Variants in KCND2 observed in about 807,000 individuals in gnomAD.
KCND2 encodes the protein potassium voltage-gated channel subfamily D member 2.
A neutral mutation model predicts 54.4 loss-of-function variants in KCND2; 16 were observed. The observed-to-expected ratio is 0.29, with a 90% CI of 0.20 to 0.45. The LOEUF (loss-of-function observed/expected upper bound fraction) is 0.45. Ranked by LOEUF, KCND2 falls within the 20% of genes least tolerant of loss-of-function variation. KCND2 has a pLI of 1.00. For synonymous variants in KCND2, 317 were observed against 310.7 expected (o/e 1.02, Z -0.21); for missense variants, 486 against 824.2 (o/e 0.59, Z 5.02).
chr7:120,327,451 C>T (rs77657750), intron 1 of KCND2, among the ~76,000 whole-genome samples: 4,276 of 152,116 alleles, frequency 0.028, 97 homozygotes, highest in Non-Finnish European at 0.047. Flanking sequence ...CTCCTTCCTA[C>T]CTATATGAAG....
Position 120,637,542 on chromosome 7 carries a change from A to G in KCND2, c.1116-95361A>G, listed in dbSNP as rs191871142. 2.0e-3 allele frequency among the ~76,000 whole-genome samples: 300 copies of G among 152,238 alleles called. 5 individuals are homozygous for G. Among genetic ancestry groups the G allele is most frequent in the South Asian group, 0.011 (54 of 4,828 alleles). On this transcript the variant is annotated intron_variant, in intron 1 of 5. Coordinates refer to ENST00000331113, the MANE Select transcript of KCND2 (RefSeq NM_012281.3). The stretch of plus-strand genomic sequence containing the variant: ...GTGTAATTCTTTCATTGACACCAAC[A>G]ATACTATACAAACCAAAAAGATTTC...
intron 1 of KCND2, among the ~76,000 whole-genome samples, chr7:120,629,444 CCACTG>C (rs1451357014): frequency 6.6e-6 from 1 of 151,786 alleles, no homozygotes; most frequent in African/African-American, 2.4e-5. Flanking sequence ...CGAGATGGTG[CCACTG>C]CACTCCATCC....
At chr7:120,505,229 TAAC>T (rs1208003863) in intron 1 of KCND2, among the ~76,000 whole-genome samples, 3 of 151,696 alleles carry the variant, frequency 2.0e-5, no homozygotes, top group Non-Finnish European at 3.0e-5. Flanking sequence ...TGGCCAAAGA[TAAC>T]AACATTCTGT....
chr7:120,447,879 A>G (rs1802039731), intron 1 of KCND2, among the ~76,000 whole-genome samples: 1 of 151,840 alleles, frequency 6.6e-6, no homozygotes, highest in African/African-American at 2.4e-5. Context: ...TCTCTTGGCC[A>G]GACATGGAAT....
At chr7:120,466,612 C>T (rs1002906) in intron 1 of KCND2, among the ~76,000 whole-genome samples, 17,854 of 152,114 alleles carry the variant, frequency 0.12, 3,331 homozygotes, top group African/African-American at 0.4. Context: ...CTCTACAGCT[C>T]ATTTCTATAC....
intron 1 of KCND2, among the ~76,000 whole-genome samples, chr7:120,627,549 T>C (rs933472913): frequency 6.6e-6 from 1 of 152,140 alleles, no homozygotes; most frequent in African/African-American, 2.4e-5. Context: ...ATAGTTTATT[T>C]CAGTCCTTTA....
At chr7:120,590,559 A>G (rs932730801) in intron 1 of KCND2, among the ~76,000 whole-genome samples, 1 of 152,140 alleles carries the variant, frequency 6.6e-6, no homozygotes, top group African/African-American at 2.4e-5. Flanking sequence ...TCAGATTTAC[A>G]TTTTCTTTCA....
At chr7:120,479,962 CAAAAAAAAA>C (rs35246643) in intron 1 of KCND2, among the ~76,000 whole-genome samples, 2 of 68,886 alleles carry the variant, frequency 2.9e-5, no homozygotes, top group South Asian at 5.5e-4. Flanking sequence ...GTAAGACTGT[CAAAAAAAAA>C]AAAAAAAAGA....
At chr7:120,586,508 C>A in intron 1 of KCND2, among the ~76,000 whole-genome samples, 1 of 152,078 alleles carries the variant, frequency 6.6e-6, no homozygotes, top group Non-Finnish European at 1.5e-5. Context: ...TGTAATTGAT[C>A]TTGCATCAAA....
intron 1 of KCND2, among the ~76,000 whole-genome samples, chr7:120,351,266 A>ATATATATATATATATATATATATC (rs1375713144): frequency 1.4e-5 from 2 of 145,304 alleles, no homozygotes; most frequent in African/African-American, 5.1e-5. Context: ...ATATATATAT[A>ATATATATATATATATATATATATC]TCCAGTATAT....
In KCND2 at chr7:120,721,982, C is replaced by G. The variant is rs535666314; in HGVS notation, c.1116-10921C>G. Among the ~76,000 whole-genome samples the G allele has an allele frequency of 7.2e-4, 110 of 152,286 alleles. 3 individuals are homozygous for G. The highest frequency in any genetic ancestry group is 2.5e-3 in the African/African-American group (103 of 41,560). The stretch of plus-strand genomic sequence containing the variant: ...TCCCCTTTCACTTGGCCGTCACTCT[C>G]CCTTTGCCAGCTGCCATGTAAGATG... On this transcript the variant is annotated intron_variant, in intron 1 of 5. Coordinates refer to ENST00000331113, the MANE Select transcript of KCND2 (RefSeq NM_012281.3).
At chr7:120,706,529 T>C (rs1473689245) in intron 1 of KCND2, among the ~76,000 whole-genome samples, 1 of 152,186 alleles carries the variant, frequency 6.6e-6, no homozygotes, top group Non-Finnish European at 1.5e-5. Context: ...ATAAGGATCT[T>C]AGTCCCATTC....
At chr7:120,346,482 T>C (rs551302184) in intron 1 of KCND2, among the ~76,000 whole-genome samples, 3 of 152,180 alleles carry the variant, frequency 2.0e-5, no homozygotes, top group Non-Finnish European at 4.4e-5. Context: ...TTGGCAAGGA[T>C]AAGGTTAGGA....
At chr7:120,335,476 T>C (rs1379905773) in intron 1 of KCND2, among the ~76,000 whole-genome samples, 14 of 133,680 alleles carry the variant, frequency 1.0e-4, no homozygotes, top group African/African-American at 2.4e-4. Context: ...TACTTATTTA[T>C]TTATTTATTT....
At chr7:120,330,756 T>C (rs1332021259) in intron 1 of KCND2, among the ~76,000 whole-genome samples, 1 of 152,078 alleles carries the variant, frequency 6.6e-6, no homozygotes, top group Non-Finnish European at 1.5e-5. Context: ...AATGAAAAAT[T>C]ATAGAATAAT....
intron 1 of KCND2, among the ~76,000 whole-genome samples, chr7:120,600,826 A>G (rs1190215611): frequency 1.3e-5 from 2 of 152,086 alleles, no homozygotes; most frequent in African/African-American, 4.8e-5. Flanking sequence ...TATTATATCA[A>G]TGAATGTTTG....
intron 1 of KCND2, among the ~76,000 whole-genome samples, chr7:120,435,216 C>T (rs1002847651): frequency 2.0e-5 from 3 of 151,592 alleles, no homozygotes; most frequent in Non-Finnish European, 2.9e-5. Flanking sequence ...AAGTGATTCT[C>T]ATGCCTCAGC....
intron 1 of KCND2, among the ~76,000 whole-genome samples, chr7:120,507,500 A>G (rs1291731958): frequency 2.0e-5 from 3 of 151,922 alleles, no homozygotes; most frequent in African/African-American, 7.2e-5. Flanking sequence ...ATGTAAGCAG[A>G]AGTCTTGAAT....
chr7:120,493,035 C>T (rs1802805995), intron 1 of KCND2, among the ~76,000 whole-genome samples: 3 of 151,908 alleles, frequency 2.0e-5, no homozygotes, highest in African/African-American at 4.8e-5. Flanking sequence ...ATGAAGGCTC[C>T]ACCTCCAAAG....
Sources: allele counts gnomAD v4.1 joint callset (sites outside exome capture counted in the v4.1 genomes callset), GRCh38; gene constraint gnomAD v4.1.1; transcripts MANE v1.5; gene names NCBI Gene and HGNC (gene_info 2026-07-23, HGNC 2026-07-21).